The following NELL1 variants were observed in gnomAD, a reference collection of about 807,000 sequenced individuals.
NELL1 encodes protein kinase C-binding protein NELL1.
Under a neutral mutation model 107.4 loss-of-function variants are expected in NELL1, and 76 were observed. The observed-to-expected ratio is 0.71, with a 90% CI of 0.59 to 0.86. NELL1 has a LOEUF of 0.86. NELL1 is among the 40% of genes least tolerant of loss of function. NELL1 has a pLI of 0.00. For synonymous variants in NELL1, 353 were observed against 341.2 expected, an observed-to-expected ratio of 1.03 and a Z score of -0.38; for missense variants, 1,024 against 1,005.5, an observed-to-expected ratio of 1.02 and a Z score of -0.25.
chr11:20,930,739 A>T lies in NELL1; in HGVS notation c.997+2260A>T, dbSNP rs114910399. Among the ~76,000 whole-genome samples, 1,400 of 151,800 alleles carry T rather than the reference A, an allele frequency of 9.2e-3. 24 individuals are homozygous for T. Among genetic ancestry groups the T allele is most frequent in the African/African-American group, 0.03 (1,244 of 41,438 alleles). On this transcript the variant is annotated intron_variant, in intron 9 of 19. Transcript: ENST00000357134. The stretch of plus-strand genomic sequence containing the variant: ...ATTTGTTTGATAGTTTTAGGTTTTT[A>T]AAATTATTTCAGAAAATAACTCAAT...
At chr11:21,232,159 A>AAAAAT in intron 14 of NELL1, among the ~76,000 whole-genome samples, 1 of 73,196 alleles carries the variant, frequency 1.4e-5, no homozygotes, top group South Asian at 4.8e-4. Context: ...AAAAAAAAAA[A>AAAAAT]ATATATATAT....
At chr11:20,804,687 G>A (rs1857345292) in intron 3 of NELL1, among the ~76,000 whole-genome samples, 1 of 152,142 alleles carries the variant, frequency 6.6e-6, no homozygotes, top group Non-Finnish European at 1.5e-5. Context: ...TTTAAGACTT[G>A]TTTTGTTGTC....
intron 2 of NELL1, among the ~76,000 whole-genome samples, chr11:20,750,739 A>G (rs992715573): frequency 2.6e-5 from 4 of 152,128 alleles, no homozygotes; most frequent in African/African-American, 9.6e-5. Flanking sequence ...GGTGCACACC[A>G]CCACACCTGG....
intron 12 of NELL1, among the ~76,000 whole-genome samples, chr11:21,033,643 A>G (rs1853017072): frequency 6.6e-6 from 1 of 152,006 alleles, no homozygotes; most frequent in South Asian, 2.1e-4. Flanking sequence ...TCTACCATCG[A>G]TGGGCATTTT....
chr11:20,932,021 A>T (rs1850629069), intron 9 of NELL1, among the ~76,000 whole-genome samples: 1 of 152,170 alleles, frequency 6.6e-6, no homozygotes, highest in African/African-American at 2.4e-5. Flanking sequence ...GCACTTACAG[A>T]TGAGGGCGTC....
In NELL1 at chr11:20,842,090, G is replaced by C. The variant is rs551312092; in HGVS notation, c.336-5493G>C. Reference sequence around the variant, plus strand: ...GACCAGGAAAGAGACAGGAGCTTCAGCATGGGCTGGGTGCGGTGGCTCATG... The same window carrying C: ...GACCAGGAAAGAGACAGGAGCTTCACCATGGGCTGGGTGCGGTGGCTCATG... On this transcript the variant is annotated intron_variant, in intron 3 of 19. Coordinates refer to ENST00000357134, the MANE Select transcript of NELL1 (RefSeq NM_006157.5). Among the ~76,000 whole-genome samples, 3 of 152,268 alleles carry C rather than the reference G, an allele frequency of 2.0e-5. No homozygotes were observed. The South Asian group carries it at 6.2e-4, about 32-fold the overall frequency.
intron 5 of NELL1, 151 bp from the exon 6 acceptor site, chr11:20,918,031 G>A (rs1850295149): frequency 1.7e-6 from 1 of 594,800 alleles, no homozygotes; most frequent in Non-Finnish European, 3.0e-6. Context: ...ATGCTTTAGA[G>A]TAGTTCAGTA....
intron 12 of NELL1, among the ~76,000 whole-genome samples, chr11:21,021,012 A>AACACCCAC (rs1554959623): frequency 7.1e-6 from 1 of 140,224 alleles, no homozygotes; most frequent in Admixed American, 7.1e-5. Flanking sequence ...AGAAACTTAG[A>AACACCCAC]ACACACACAC....
chr11:20,733,105 A>G lies in NELL1; in HGVS notation c.185-50575A>G, dbSNP rs145430708. ...AATAATGTAAATCAAAGGGCCTGGT[A>G]TATGGCTGCTATCCAAGTGTGTTAG... On this transcript the variant is annotated intron_variant, in intron 2 of 19. Transcript: ENST00000357134. Among the ~76,000 whole-genome samples the G allele has an allele frequency of 2.7e-3, 415 of 152,298 alleles. 8 individuals are homozygous for G. Among genetic ancestry groups the G allele is most frequent in the East Asian group, 6.2e-3 (32 of 5,174 alleles).
chr11:21,464,434 G>A (rs1303872436), intron 15 of NELL1, among the ~76,000 whole-genome samples: 3 of 148,484 alleles, frequency 2.0e-5, no homozygotes, highest in South Asian at 2.1e-4. Context: ...CAGAGTAATA[G>A]CATAGAGCCA....
chr11:21,488,407 G>C (rs1008192066), intron 15 of NELL1, among the ~76,000 whole-genome samples: 5 of 152,024 alleles, frequency 3.3e-5, no homozygotes, highest in African/African-American at 1.2e-4. Context: ...CTTCAGCTTT[G>C]ATTCTGGATT....
chr11:20,710,129 G>C (rs1192813042), intron 2 of NELL1, among the ~76,000 whole-genome samples: 1 of 152,192 alleles, frequency 6.6e-6, no homozygotes, highest in Non-Finnish European at 1.5e-5. Flanking sequence ...TCTTGTTCCA[G>C]ATCTCAGGGG....
chr11:21,134,564 T>C (rs2133762614), intron 13 of NELL1, among the ~76,000 whole-genome samples: 1 of 152,348 alleles, frequency 6.6e-6, no homozygotes, highest in Admixed American at 6.5e-5. Flanking sequence ...TAATCACTTA[T>C]TCCACAGCAA....
At chr11:21,460,199 C>T (rs758144888) in intron 15 of NELL1, among the ~76,000 whole-genome samples, 1 of 150,214 alleles carries the variant, frequency 6.7e-6, no homozygotes, top group Non-Finnish European at 1.5e-5. Context: ...GGAAAATGCA[C>T]AGAAAAAAAA....
At chr11:21,500,787 C>T (rs1254593202) in intron 15 of NELL1, among the ~76,000 whole-genome samples, 2 of 152,174 alleles carry the variant, frequency 1.3e-5, no homozygotes, top group East Asian at 3.9e-4. Context: ...GATATGTTAC[C>T]TCATTTGAAC....
At chr11:21,062,401 A>G (rs1853763222) in intron 12 of NELL1, among the ~76,000 whole-genome samples, 1 of 152,188 alleles carries the variant, frequency 6.6e-6, no homozygotes. Context: ...GTATGAGAAG[A>G]CTAGAAGCTT....
In NELL1 at chr11:21,539,336, T is replaced by A. The variant is rs576227094; in HGVS notation, c.1786+4822T>A. On this transcript the variant is annotated intron_variant, in intron 16 of 19. Coordinates refer to ENST00000357134, the MANE Select transcript of NELL1 (RefSeq NM_006157.5). ...ACACTATGTTCTGTTAGCTTTGCTG[T>A]GTACAGGCAGTAAATGGCTCATTGT... 2.9e-4 allele frequency among the ~76,000 whole-genome samples: 44 copies of A among 152,238 alleles called. No homozygotes were observed. The South Asian group carries it at 6.6e-3, about 23-fold the overall frequency.
At chr11:20,741,235 A>G (rs10741853) in intron 2 of NELL1, among the ~76,000 whole-genome samples, 97,004 of 151,556 alleles carry the variant, frequency 0.64, 31,196 homozygotes, top group Middle Eastern at 0.75. Context: ...CGCCCCTCAT[A>G]GTGTTTTTCC....
At chr11:21,537,514 C>T (rs1856168200) in intron 16 of NELL1, among the ~76,000 whole-genome samples, 1 of 152,136 alleles carries the variant, frequency 6.6e-6, no homozygotes, top group Non-Finnish European at 1.5e-5. Context: ...AATGTTGCTT[C>T]TTCATGGAGA....
Sources: gnomAD v4.1 joint callset for allele counts (sites outside exome capture counted in the v4.1 genomes callset) on GRCh38, gnomAD v4.1.1 for gene constraint, MANE v1.5 for transcripts, NCBI Gene and HGNC (gene_info 2026-07-23, HGNC 2026-07-21) for gene names.